The following TOX3 variants were observed in gnomAD, a reference collection of about 807,000 sequenced individuals.
TOX3 encodes the protein CAG trinucleotide repeat-containing gene F9 protein.
In TOX3, 22 loss-of-function variants were observed where a neutral mutation model predicts 64.3. That is an observed-to-expected ratio of 0.34 (90% CI 0.24 to 0.49). The LOEUF is 0.49. Among genes scored for constraint, TOX3 ranks in the 20% least tolerant of loss-of-function variants. The pLI, the probability that TOX3 is intolerant of heterozygous loss-of-function variation, is 0.99. For synonymous variants in TOX3, 291 were observed against 273.6 expected, an observed-to-expected ratio of 1.06 and a Z score of -0.63; for missense variants, 661 against 714.4, an observed-to-expected ratio of 0.93 and a Z score of 0.85.
At chr16:52,483,630 G>A (rs1961427131) in intron 1 of TOX3, among the ~76,000 whole-genome samples, 1 of 147,550 alleles carries the variant, frequency 6.8e-6, no homozygotes, top group South Asian at 2.2e-4. Flanking sequence ...GTGCAGTGGC[G>A]CGATCACGGC....
chr16:52,506,474 T>C (rs950618974), intron 1 of TOX3, among the ~76,000 whole-genome samples: 1 of 152,066 alleles, frequency 6.6e-6, no homozygotes. Context: ...TGGAGACAGA[T>C]TGGAGACTCT....
chr16:52,464,319 A>G (rs1025182690), intron 2 of TOX3, 131 bp from the exon 3 acceptor site: 3 of 1,029,930 alleles, frequency 2.9e-6, no homozygotes, highest in South Asian at 3.5e-5. Context: ...TTCTCAAATG[A>G]AAATATCTTA....
chr16:52,500,579 A>G (rs937866280), intron 1 of TOX3, among the ~76,000 whole-genome samples: 1 of 152,190 alleles, frequency 6.6e-6, no homozygotes, highest in African/African-American at 2.4e-5. Context: ...AGACCTTCCA[A>G]CTATTGTCAC....
At chr16:52,471,911 A>G (rs1961057081) in intron 1 of TOX3, among the ~76,000 whole-genome samples, 1 of 151,412 alleles carries the variant, frequency 6.6e-6, no homozygotes, top group Non-Finnish European at 1.5e-5. Context: ...TCAACCACGG[A>G]AGTCTAGCCT....
At position 52,447,556 on chromosome 16, in the gene TOX3, C is replaced by A. The variant is rs148579005; in HGVS notation, c.679-1335G>T. On this transcript the variant is annotated intron_variant, in intron 4 of 6. Coordinates refer to ENST00000219746, the MANE Select transcript of TOX3 (RefSeq NM_001080430.4). ...GTTTGCACTATTTAAGTGATAACAG[C>A]ATCCACACTTTATCTGAGTAGTTTA... Among the ~76,000 whole-genome samples the A allele has an allele frequency of 6.4e-4, 97 of 152,322 alleles. 1 individual carries two copies. Among genetic ancestry groups the A allele is most frequent in the African/African-American group, 2.2e-3 (91 of 41,596 alleles).
chr16:52,520,177 T>C (rs1448623881), intron 1 of TOX3, among the ~76,000 whole-genome samples: 1 of 152,198 alleles, frequency 6.6e-6, no homozygotes, highest in East Asian at 1.9e-4. Context: ...AGTTAAAATT[T>C]CCTGAAATAG....
At chr16:52,493,441 G>C (rs1961753978) in intron 1 of TOX3, among the ~76,000 whole-genome samples, 1 of 151,958 alleles carries the variant, frequency 6.6e-6, no homozygotes, top group Non-Finnish European at 1.5e-5. Flanking sequence ...TCCCAGGAGA[G>C]GTTAAAAAAT....
At chr16:52,468,412 G>T in intron 2 of TOX3, 97 bp downstream of exon 2, 2 of 1,112,740 alleles carry the variant, frequency 1.8e-6, no homozygotes, top group South Asian at 1.4e-5. Context: ...CCACATAAGA[G>T]AGAGATAAAT....
At chr16:52,538,006 C>A (rs1479088233) in intron 1 of TOX3, among the ~76,000 whole-genome samples, 1 of 152,028 alleles carries the variant, frequency 6.6e-6, no homozygotes, top group Non-Finnish European at 1.5e-5. Context: ...AACTTACAAT[C>A]CCTTTTCTAT....
chr16:52,466,642 G>A (rs1002084413), intron 2 of TOX3, among the ~76,000 whole-genome samples: 1 of 152,062 alleles, frequency 6.6e-6, no homozygotes, highest in African/African-American at 2.4e-5. Context: ...TCATAATTAG[G>A]AAGGTTTTTA....
chr16:52,504,458 C>T (rs1394613402), intron 1 of TOX3, among the ~76,000 whole-genome samples: 1 of 134,482 alleles, frequency 7.4e-6, no homozygotes, highest in Non-Finnish European at 1.6e-5. Flanking sequence ...TAGAGCGAGA[C>T]TCCGTCTCAA....
chr16:52,541,149 T>C (rs1963069998), intron 1 of TOX3, among the ~76,000 whole-genome samples: 1 of 152,068 alleles, frequency 6.6e-6, no homozygotes, highest in South Asian at 2.1e-4. Context: ...TCCAAAAGCC[T>C]GTGTTATAAC....
chr16:52,451,880 A>G (rs138333995), intron 3 of TOX3, among the ~76,000 whole-genome samples: 352 of 152,280 alleles, frequency 2.3e-3, no homozygotes, highest in African/African-American at 8.1e-3. Context: ...CTCTCTTGAC[A>G]TTTTGGACCA....
intron 3 of TOX3, among the ~76,000 whole-genome samples, chr16:52,460,734 T>G (rs951134081): frequency 6.6e-6 from 1 of 151,254 alleles, no homozygotes; most frequent in Non-Finnish European, 1.5e-5. Flanking sequence ...AAAAAAGAAA[T>G]GTTGAATGCT....
chr16:52,504,521 G>T (rs1962105977), intron 1 of TOX3, among the ~76,000 whole-genome samples: 1 of 149,280 alleles, frequency 6.7e-6, no homozygotes. Flanking sequence ...AATGAGAAAT[G>T]TCTATGTGCA....
chr16:52,513,540 T>C (rs207475945), intron 1 of TOX3, among the ~76,000 whole-genome samples: 2 of 152,192 alleles, frequency 1.3e-5, no homozygotes, highest in Admixed American at 6.5e-5. Context: ...AATATATGCA[T>C]AGTTCCTAAC....
chr16:52,459,326 T>TA (rs147312044), intron 3 of TOX3, among the ~76,000 whole-genome samples: 4,763 of 151,784 alleles, frequency 0.031, 124 homozygotes, highest in East Asian at 0.13. Flanking sequence ...TATGTAAAAT[T>TA]AAAAAAAATA....
At chr16:52,504,184 A>G (rs12934308) in intron 1 of TOX3, among the ~76,000 whole-genome samples, 62,796 of 152,056 alleles carry the variant, frequency 0.41, 13,822 homozygotes, top group East Asian at 0.58. Flanking sequence ...ACACTCTAAA[A>G]GGCCAGGCGC....
At chr16:52,451,638 C>T (rs546818283) in intron 3 of TOX3, among the ~76,000 whole-genome samples, 169 of 152,092 alleles carry the variant, frequency 1.1e-3, no homozygotes, top group African/African-American at 4.0e-3. Flanking sequence ...TGAGTCCTTC[C>T]GATAAGGCTT....
Sources: allele counts gnomAD v4.1 joint callset (sites outside exome capture counted in the v4.1 genomes callset), GRCh38; gene constraint gnomAD v4.1.1; transcripts MANE v1.5; gene names NCBI Gene and HGNC (gene_info 2026-07-23, HGNC 2026-07-21).